Variants in SHISA9 observed in about 807,000 individuals in gnomAD.
The protein encoded by SHISA9 is protein shisa-9.
In SHISA9, 13 loss-of-function variants were observed where a neutral mutation model predicts 38.0. That is an observed-to-expected ratio of 0.34 (90% CI 0.22 to 0.54). The LOEUF (loss-of-function observed/expected upper bound fraction) is 0.54, where lower values mean the gene tolerates loss of function less well. Ranked by LOEUF, SHISA9 falls within the 20% of genes least tolerant of loss-of-function variation. The pLI is 0.91. For synonymous variants in SHISA9, 275 were observed against 242.0 expected, an observed-to-expected ratio of 1.14 and a Z score of -1.27; for missense variants, 538 against 575.8, an observed-to-expected ratio of 0.93 and a Z score of 0.67.
At chr16:13,488,773 T>C in the SHISA9 span, among the ~76,000 whole-genome samples, 99 of 152,336 alleles carry the variant, frequency 6.5e-4, 1 homozygote, top group Admixed American at 5.9e-3. Context: ...TTAATTTTTA[T>C]TTTTTGGAGA....
At chr16:13,232,572 T>A (rs1263167688) in intron 4 of SHISA9, among the ~76,000 whole-genome samples, 1 of 152,206 alleles carries the variant, frequency 6.6e-6, no homozygotes, top group Non-Finnish European at 1.5e-5. Flanking sequence ...CCTGAGAACA[T>A]GTGCCCAGGG....
At chr16:13,555,320 T>C in the SHISA9 span, among the ~76,000 whole-genome samples, 577 of 152,296 alleles carry the variant, frequency 3.8e-3, 3 homozygotes, top group African/African-American at 0.013. Flanking sequence ...TAAACGTTAA[T>C]CCTGACTTCC....
chr16:13,418,166 T>C, the SHISA9 span, among the ~76,000 whole-genome samples: 1 of 151,970 alleles, frequency 6.6e-6, no homozygotes, highest in East Asian at 1.9e-4. Context: ...GGTTTGTCAG[T>C]ACAGTGGTTG....
chr16:13,234,632 A>G (rs187168590), intron 4 of SHISA9, among the ~76,000 whole-genome samples: 459 of 152,356 alleles, frequency 3.0e-3, no homozygotes, highest in African/African-American at 3.5e-3. Flanking sequence ...TTGGTAGGTC[A>G]TAGATAGGAA....
chr16:13,208,250 T>A (rs2051084578), intron 3 of SHISA9, among the ~76,000 whole-genome samples: 1 of 152,104 alleles, frequency 6.6e-6, no homozygotes, highest in East Asian at 1.9e-4. Flanking sequence ...CTTAAACATG[T>A]GCCATTCATT....
At chr16:13,359,043 G>A in the SHISA9 span, among the ~76,000 whole-genome samples, 1 of 152,066 alleles carries the variant, frequency 6.6e-6, no homozygotes. Context: ...AGAATTTCTT[G>A]ATTAGGATGA....
At chr16:12,985,960 C>G (rs1340783469) in intron 2 of SHISA9, among the ~76,000 whole-genome samples, 1 of 152,194 alleles carries the variant, frequency 6.6e-6, no homozygotes, top group African/African-American at 2.4e-5. Context: ...TAAGACCAGG[C>G]CAGCGGTGGG....
chr16:13,306,926 C>T, the SHISA9 span, among the ~76,000 whole-genome samples: 2 of 152,078 alleles, frequency 1.3e-5, no homozygotes, highest in Non-Finnish European at 2.9e-5. Context: ...AGACTGATAC[C>T]TTAGTAGTCT....
At chr16:13,121,824 TACACACATACACACACAC>T (rs1216187077) in intron 2 of SHISA9, among the ~76,000 whole-genome samples, 18 of 90,266 alleles carry the variant, frequency 2.0e-4, no homozygotes, top group African/African-American at 9.1e-4. Context: ...TAAACACCTA[TACACACATACACACACAC>T]ACACACACAC....
chr16:13,203,560 C>A lies in SHISA9; in HGVS notation c.847+11C>A. ...CCTTAAAGGCAGTCGGTAAGTGCCA[C>A]CTGATGGATCTTTTTCTCTTTCTCC... On this transcript the variant is annotated intron_variant, in intron 3 of 4. Coordinates refer to ENST00000558583, the MANE Select transcript of SHISA9 (RefSeq NM_001145204.3). The A allele has an allele frequency of 1.3e-6, 2 of 1,491,536 alleles. No individual in the cohort carries two copies. Among genetic ancestry groups the A allele is most frequent in the South Asian group, 1.4e-5 (1 of 73,990 alleles). 92.4% of individuals were successfully genotyped at this position (1,491,536 alleles called of 1,614,324 possible). A position where few individuals can be genotyped will look rare whatever the true frequency, so the allele number is the denominator to read the frequency against.
chr16:13,383,588 C>T, the SHISA9 span, among the ~76,000 whole-genome samples: 2 of 152,142 alleles, frequency 1.3e-5, no homozygotes, highest in Admixed American at 1.3e-4. Context: ...TTGAGAGGAG[C>T]ATATTAAGTT....
chr16:13,412,501 T>C, the SHISA9 span, among the ~76,000 whole-genome samples: 1 of 152,042 alleles, frequency 6.6e-6, no homozygotes, highest in South Asian at 2.1e-4. Context: ...CTTTCCCTAA[T>C]AACCACTGTG....
At chr16:13,005,148 G>A (rs2072582306) in intron 2 of SHISA9, among the ~76,000 whole-genome samples, 1 of 152,014 alleles carries the variant, frequency 6.6e-6, no homozygotes, top group Non-Finnish European at 1.5e-5. Context: ...TGGAGTTGGT[G>A]GAGGGAAGAG....
At chr16:13,501,229 G>A in the SHISA9 span, among the ~76,000 whole-genome samples, 1 of 152,218 alleles carries the variant, frequency 6.6e-6, no homozygotes, top group South Asian at 2.1e-4. Flanking sequence ...CTAGTGGGAA[G>A]AGGAAAGGAG....
rs2072822712 is a variant in SHISA9 at position 13,019,927 on chromosome 16, C to CT, written c.691+103115dup. Among the ~76,000 whole-genome samples, 5 of 93,106 alleles carry CT rather than the reference C, an allele frequency of 5.4e-5. No homozygotes were observed. In the South Asian group the frequency reaches 1.4e-3, roughly 26 times the overall value. The allele number at this position is 93,106 out of a possible 152,430, so 61.1% of individuals were successfully genotyped here. The stretch of plus-strand genomic sequence containing the variant: ...TCTTTCTTTCTTTCTTTCTTTCTTT[C>CT]TTTCTTTCTTTCTTTCTTTCTTTCT... On this transcript the variant is annotated intron_variant, in intron 2 of 4. Coordinates refer to ENST00000558583, the MANE Select transcript of SHISA9 (RefSeq NM_001145204.3).
intron 2 of SHISA9, among the ~76,000 whole-genome samples, chr16:13,008,633 T>TC (rs1262641938): frequency 1.1e-5 from 1 of 90,060 alleles, no homozygotes; most frequent in African/African-American, 4.6e-5. Flanking sequence ...TCTCCCTCTC[T>TC]CCTCCCTCCC....
chr16:13,557,650 C>T, the SHISA9 span, among the ~76,000 whole-genome samples: 6 of 152,166 alleles, frequency 3.9e-5, no homozygotes, highest in East Asian at 1.9e-4. Flanking sequence ...GAGAGAACCA[C>T]GCCAAGGTGC....
chr16:13,050,595 G>C (rs2073239974), intron 2 of SHISA9, among the ~76,000 whole-genome samples: 1 of 152,182 alleles, frequency 6.6e-6, no homozygotes, highest in Non-Finnish European at 1.5e-5. Flanking sequence ...GCCTCCCAAA[G>C]TGCTGGGATT....
At chr16:13,040,830 C>T (rs1389991759) in intron 2 of SHISA9, among the ~76,000 whole-genome samples, 1 of 152,088 alleles carries the variant, frequency 6.6e-6, no homozygotes, top group African/African-American at 2.4e-5. Context: ...GTAGAGAGTT[C>T]TAAGAAAACA....
Sources: gnomAD v4.1 joint callset for allele counts (sites outside exome capture counted in the v4.1 genomes callset) on GRCh38, gnomAD v4.1.1 for gene constraint, MANE v1.5 for transcripts, NCBI Gene and HGNC (gene_info 2026-07-23, HGNC 2026-07-21) for gene names.